KAZN: variants seen among roughly 807,000 people sequenced by gnomAD.
The protein encoded by KAZN is kazrin.
KAZN carries 40 observed loss-of-function variants against 87.4 expected under a neutral mutation model. That is an observed-to-expected ratio of 0.46 (90% CI 0.36 to 0.60). The LOEUF (loss-of-function observed/expected upper bound fraction) is 0.60. Ranked by LOEUF, KAZN falls within the 20% of genes least tolerant of loss-of-function variation. KAZN has a pLI of 0.00. For missense variants in KAZN, 898 were observed against 1,073.9 expected, an observed-to-expected ratio of 0.84 and a Z score of 2.29; for synonymous variants, 466 against 458.3, an observed-to-expected ratio of 1.02 and a Z score of -0.22.
rs905120608 is a variant in KAZN at position 14,249,742 on chromosome 1, C to A, written c.249+69150C>A. ...TGGCTGTGGCCATGGGAAAAGAGGT[C>A]CCTGATTGGCCAGGTGGGGCTGCAT... On this transcript the variant is annotated intron_variant, in intron 2 of 16. Transcript: ENST00000636203. Among the ~76,000 whole-genome samples the A allele has an allele frequency of 3.0e-4, 46 of 152,288 alleles. 1 individual carries two copies. Among genetic ancestry groups the A allele is most frequent in the African/African-American group, 1.1e-3 (45 of 41,546 alleles).
intron 1 of KAZN, among the ~76,000 whole-genome samples, chr1:14,824,458 A>C (rs963816855): frequency 6.6e-6 from 1 of 152,188 alleles, no homozygotes; most frequent in African/African-American, 2.4e-5. Flanking sequence ...AAAGGAATGG[A>C]GAATTCAGTA....
At chr1:14,265,920 A>C (rs1557603785) in intron 2 of KAZN, among the ~76,000 whole-genome samples, 1 of 152,226 alleles carries the variant, frequency 6.6e-6, no homozygotes, top group Non-Finnish European at 1.5e-5. Flanking sequence ...CAAAAAGAAC[A>C]ACTGCCAAGT....
chr1:15,103,891 A>G, intron 12 of KAZN, 132 bp from the exon 13 acceptor site: 1 of 889,716 alleles, frequency 1.1e-6, no homozygotes, highest in Non-Finnish European at 1.7e-6. Flanking sequence ...GTTCCTCTTC[A>G]CCGTCAAATT....
intron 2 of KAZN, among the ~76,000 whole-genome samples, chr1:14,549,191 A>T (rs995522219): frequency 1.3e-5 from 2 of 152,116 alleles, no homozygotes; most frequent in Non-Finnish European, 2.9e-5. Flanking sequence ...ATGTTGTTTT[A>T]GTTTCTGTCT....
intron 2 of KAZN, among the ~76,000 whole-genome samples, chr1:14,284,160 T>G (rs1365898995): frequency 6.6e-6 from 1 of 152,132 alleles, no homozygotes; most frequent in East Asian, 1.9e-4. Flanking sequence ...TGATTTTTAA[T>G]GCATAAGGGG....
rs866554657 is a variant in KAZN at position 14,740,957 on chromosome 1, C to T, written c.226+141734C>T. Reference sequence around the variant, plus strand: ...GCCTGTGGGGGTGGCAGGTCCTGCCCTCTGTTCACAGACCTGGAGGGGAGT... The same window carrying T: ...GCCTGTGGGGGTGGCAGGTCCTGCCTTCTGTTCACAGACCTGGAGGGGAGT... On this transcript the variant is annotated intron_variant, in intron 1 of 14. Coordinates refer to ENST00000376030, the MANE Select transcript of KAZN (RefSeq NM_201628.3). Among the ~76,000 whole-genome samples, 6 of 152,318 alleles carry T rather than the reference C, an allele frequency of 3.9e-5. 1 individual carries two copies. The highest frequency in any genetic ancestry group is 6.8e-3 in the Middle Eastern group (2 of 294).
chr1:15,053,528 G>A (rs1674638489), intron 4 of KAZN, among the ~76,000 whole-genome samples: 1 of 152,218 alleles, frequency 6.6e-6, no homozygotes, highest in Admixed American at 6.5e-5. Context: ...CCCAGGCCGG[G>A]TGCTGGGGAC....
intron 1 of KAZN, among the ~76,000 whole-genome samples, chr1:14,675,756 G>C (rs543909016): frequency 5.9e-5 from 9 of 152,294 alleles, no homozygotes; most frequent in African/African-American, 1.9e-4. Context: ...GTAAAAGTAC[G>C]TGCTCAATAA....
chr1:14,411,485 G>A (rs1664298069), intron 2 of KAZN, among the ~76,000 whole-genome samples: 1 of 152,174 alleles, frequency 6.6e-6, no homozygotes, highest in Non-Finnish European at 1.5e-5. Context: ...TAATAGAGAT[G>A]GGGTTTTGCC....
At chr1:13,989,312 C>CATTTGTG (rs1474157333) in intron 1 of KAZN, among the ~76,000 whole-genome samples, 1 of 152,000 alleles carries the variant, frequency 6.6e-6, no homozygotes, top group African/African-American at 2.4e-5. Context: ...CAAGTTGGCA[C>CATTTGTG]CTACTATATA....
At chr1:14,721,137 C>T (rs1274850640) in intron 1 of KAZN, among the ~76,000 whole-genome samples, 2 of 152,230 alleles carry the variant, frequency 1.3e-5, no homozygotes, top group Non-Finnish European at 2.9e-5. Flanking sequence ...TGTGGCTTGG[C>T]AGTGTCCCCA....
intron 1 of KAZN, among the ~76,000 whole-genome samples, chr1:14,028,950 T>G (rs991342797): frequency 2.0e-5 from 3 of 152,238 alleles, no homozygotes; most frequent in African/African-American, 7.2e-5. Flanking sequence ...GCATGTGTCT[T>G]TATAGCATCA....
intron 2 of KAZN, among the ~76,000 whole-genome samples, chr1:14,325,912 G>A (rs180689661): frequency 5.3e-5 from 8 of 152,034 alleles, no homozygotes; most frequent in South Asian, 2.1e-4. Flanking sequence ...CGATTTCTCC[G>A]AATCCCCCTC....
chr1:14,268,401 G>A (rs2100674042), intron 2 of KAZN, among the ~76,000 whole-genome samples: 1 of 151,002 alleles, frequency 6.6e-6, no homozygotes, highest in African/African-American at 2.4e-5. Context: ...ATATCATCCA[G>A]TTTGAAAACA....
intron 2 of KAZN, among the ~76,000 whole-genome samples, chr1:14,456,174 C>T (rs749692810): frequency 6.6e-6 from 1 of 152,194 alleles, no homozygotes; most frequent in Non-Finnish European, 1.5e-5. Flanking sequence ...TAACACATTG[C>T]CCCCCAAACC....
At chr1:14,520,422 C>A (rs1350623191) in intron 2 of KAZN, among the ~76,000 whole-genome samples, 1 of 152,072 alleles carries the variant, frequency 6.6e-6, no homozygotes, top group African/African-American at 2.4e-5. Flanking sequence ...GGCACTGAAG[C>A]TGCAGGAGCC....
intron 1 of KAZN, among the ~76,000 whole-genome samples, chr1:14,858,315 T>C (rs7365283): frequency 0.43 from 63,967 of 149,716 alleles, 15,637 homozygotes; most frequent in African/African-American, 0.67. Flanking sequence ...CAGGTTCAAG[T>C]GATTCTCCTG....
At chr1:14,659,757 A>T (rs941438907) in intron 1 of KAZN, among the ~76,000 whole-genome samples, 1 of 152,150 alleles carries the variant, frequency 6.6e-6, no homozygotes, top group African/African-American at 2.4e-5. Flanking sequence ...GGCAATTTTC[A>T]TATCAGGCAG....
chr1:14,324,213 G>C (rs1656245419), intron 2 of KAZN, among the ~76,000 whole-genome samples: 1 of 152,166 alleles, frequency 6.6e-6, no homozygotes, highest in Non-Finnish European at 1.5e-5. Context: ...CCTGACTACA[G>C]TTTCCTCTCT....
Sources: allele counts gnomAD v4.1 joint callset (sites outside exome capture counted in the v4.1 genomes callset), GRCh38; gene constraint gnomAD v4.1.1; transcripts MANE v1.5; gene names NCBI Gene and HGNC (gene_info 2026-07-23, HGNC 2026-07-21).